The following FANCD2OS variants were observed in gnomAD, a reference collection of about 807,000 sequenced individuals.
FANCD2OS encodes the protein FANCD2 opposite strand protein.
Under a neutral mutation model 13.2 loss-of-function variants are expected in FANCD2OS, and 11 were observed. The ratio of observed to expected loss-of-function variants is 0.83; its 90% CI spans 0.52 to 1.38. The LOEUF is 1.38. Ranked by LOEUF, FANCD2OS falls within the 40% of genes most tolerant of loss-of-function variation. The pLI is 0.00. For missense variants in FANCD2OS, 217 were observed against 213.9 expected (o/e 1.01, Z -0.09); for synonymous variants, 69 against 84.5 (o/e 0.82, Z 1.01).
chr3:10,087,250 A>G (rs1694262744), intron 2 of FANCD2OS: 1 of 1,612,896 alleles, frequency 6.2e-7, no homozygotes, highest in African/African-American at 1.3e-5. Context: ...TCTGCTCAGA[A>G]CAAAGAAAAA....
Position 10,104,128 on chromosome 3 carries a change from AG to A in FANCD2OS, c.*112del. ...CTGAATCATCACTGCTTGAAACAAA[AG>A]CAAGATGGCTGGGACAATGTCACAG... On this transcript the variant is annotated 3_prime_UTR_variant, in exon 2 of 2. Coordinates refer to ENST00000450660, the MANE Select transcript of FANCD2OS (RefSeq NM_001164839.2). 1.9e-6 allele frequency: 2 copies of A among 1,035,646 alleles called. No individual in the cohort carries two copies. Among genetic ancestry groups the A allele is most frequent in the South Asian group, 3.5e-5 (2 of 56,604 alleles). The allele number at this position is 1,035,646 out of a possible 1,614,324, so 64.2% of individuals were successfully genotyped here. A position where few individuals can be genotyped will look rare whatever the true frequency, so the allele number is the denominator to read the frequency against.
chr3:10,094,720 C>G (rs182295557), intron 2 of FANCD2OS: 4 of 321,348 alleles, frequency 1.2e-5, no homozygotes, highest in Non-Finnish European at 2.4e-5. Context: ...AAAAAAAAAG[C>G]TCATTTGTGT....
At chr3:10,088,291 A>G (rs1694357215) in intron 2 of FANCD2OS, among the ~76,000 whole-genome samples, 1 of 152,214 alleles carries the variant, frequency 6.6e-6, no homozygotes, top group Admixed American at 6.5e-5. Context: ...GTGGATCAGG[A>G]ACGTGACAGC....
At chr3:10,096,733 G>GC (rs1694989236) in intron 2 of FANCD2OS, among the ~76,000 whole-genome samples, 1 of 152,176 alleles carries the variant, frequency 6.6e-6, no homozygotes, top group Non-Finnish European at 1.5e-5. Flanking sequence ...AGTCAGACCA[G>GC]TACAAACCTC....
At chr3:10,094,264 G>A (rs770626548) in intron 2 of FANCD2OS, 5 of 1,598,250 alleles carry the variant, frequency 3.1e-6, no homozygotes, top group Non-Finnish European at 4.3e-6. Flanking sequence ...TCAGCTAGAG[G>A]TAACAGTGTG....
In FANCD2OS at chr3:10,096,504, C is replaced by G. The variant is rs1280087727; in HGVS notation, c.*43+7694G>C. 5 of 1,609,284 alleles carry G rather than the reference C, an allele frequency of 3.1e-6. No individual in the cohort carries two copies. The African/African-American group carries it at 6.7e-5, about 22-fold the overall frequency. ...CTTGGATCCTGCTAGTGATAATCCC[C>G]TACTCTTATTCTTTGTGACAGCATC... On this transcript the variant is annotated intron_variant, in intron 2 of 2. Transcript: ENST00000524279.
chr3:10,105,759 AAAAAAAAAAAAATT>A (rs1695452390), intron 1 of FANCD2OS, among the ~76,000 whole-genome samples: 1 of 69,186 alleles, frequency 1.4e-5, no homozygotes, highest in Non-Finnish European at 2.2e-5. Flanking sequence ...TAAAAAAAAA[AAAAAAAAAAAAATT>A]ATATATATAT....
intron 2 of FANCD2OS, chr3:10,095,034 A>T: frequency 3.0e-6 from 2 of 659,704 alleles, no homozygotes; most frequent in South Asian, 3.3e-5. Context: ...TGAGAATAAG[A>T]GGTAGCTGCT....
At chr3:10,100,397 G>T (rs1027445069), downstream of FANCD2OS, among the ~76,000 whole-genome samples, 5 of 152,062 alleles carry the variant, frequency 3.3e-5, no homozygotes, top group African/African-American at 9.7e-5. Flanking sequence ...TTTTTGAGAC[G>T]GAGTCTCCCT....
chr3:10,105,737 C>A (rs1321948326), intron 1 of FANCD2OS, among the ~76,000 whole-genome samples: 2 of 90,986 alleles, frequency 2.2e-5, no homozygotes, highest in African/African-American at 8.1e-5. Context: ...GGTGAAAGAG[C>A]AAGACTCCAT....
chr3:10,083,180 T>C (rs977964126), intron 2 of FANCD2OS, among the ~76,000 whole-genome samples: 3 of 151,748 alleles, frequency 2.0e-5, no homozygotes, highest in African/African-American at 4.8e-5. Flanking sequence ...TGAGCCAAGA[T>C]TGCAACACTG....
intron 2 of FANCD2OS, among the ~76,000 whole-genome samples, chr3:10,089,241 C>T (rs1299971450): frequency 4.0e-5 from 6 of 151,530 alleles, no homozygotes; most frequent in Admixed American, 6.6e-5. Flanking sequence ...GCCGGGATCG[C>T]GCCACTGCAC....
chr3:10,094,181 T>A, intron 2 of FANCD2OS: 1 of 807,306 alleles, frequency 1.2e-6, no homozygotes, highest in Non-Finnish European at 2.1e-6. Context: ...GTTTTTTATA[T>A]ATATAAATAA....
At chr3:10,088,343 T>C in intron 2 of FANCD2OS, 2 of 818,764 alleles carry the variant, frequency 2.4e-6, no homozygotes, top group South Asian at 2.7e-5. Context: ...TCTTAGTAAA[T>C]CTAAACTAAT....
chr3:10,104,998 G>A (rs1013687221), intron 1 of FANCD2OS, among the ~76,000 whole-genome samples: 4 of 152,142 alleles, frequency 2.6e-5, no homozygotes, highest in African/African-American at 4.8e-5. Context: ...TCAGGCTGGA[G>A]TGCAGTGGAG....
At chr3:10,093,145 A>T in intron 2 of FANCD2OS, 1 of 692,840 alleles carries the variant, frequency 1.4e-6, no homozygotes, top group Non-Finnish European at 2.6e-6. Flanking sequence ...TCTGCTTTGT[A>T]ATATTAATTT....
chr3:10,104,640 G>T lies in FANCD2OS; in HGVS notation c.135C>A (p.Asp45Glu). 1.2e-6 allele frequency: 2 copies of T among 1,614,188 alleles called. No homozygotes were observed. The highest frequency in any genetic ancestry group is 2.2e-5 in the South Asian group (2 of 91,082). Residue 45 changes from aspartate (D) to glutamate (E), a missense_variant, in exon 2 of 2, where the codon GAC (aspartate) becomes GAA (glutamate). Asp to Glu is a conservative substitution (Grantham distance 45). Transcript: ENST00000450660. ...ASPCFPHTPS[D>E]LEVQLCFQEV... is the part of the protein sequence containing the mutation. ...CTTGAAAGCACAGCTGCACTTCAAG[G>T]TCGGACGGTGTGTGTGGGAAGCAGG...
intron 2 of FANCD2OS, among the ~76,000 whole-genome samples, chr3:10,097,900 C>T (rs948201348): frequency 6.6e-6 from 1 of 152,202 alleles, no homozygotes; most frequent in Non-Finnish European, 1.5e-5. Flanking sequence ...AATCCACGTT[C>T]TTCTGTCAAG....
At position 10,085,958 on chromosome 3, in the gene FANCD2OS, A is replaced by G. The variant is rs368121256; in HGVS notation, c.*44-4427T>C. On this transcript the variant is annotated intron_variant, in intron 2 of 2. Coordinates refer to the FANCD2OS transcript ENST00000524279. ...ACTACATAGCCAAGATTGTTGTCCCAAGAAACTCCTAGGAACAGGATTGGC... is the reference window on the plus strand; with the variant it reads ...ACTACATAGCCAAGATTGTTGTCCCGAGAAACTCCTAGGAACAGGATTGGC... The G allele has an allele frequency of 1.3e-5, 19 of 1,407,762 alleles. No individual in the cohort carries two copies. The African/African-American group carries it at 2.4e-4, about 18-fold the overall frequency. 87.2% of individuals were successfully genotyped at this position (1,407,762 alleles called of 1,614,324 possible). A position where few individuals can be genotyped will look rare whatever the true frequency, so the allele number is the denominator to read the frequency against.
Sources: allele counts gnomAD v4.1 joint callset (sites outside exome capture counted in the v4.1 genomes callset), GRCh38; gene constraint gnomAD v4.1.1; transcripts MANE v1.5; gene names NCBI Gene and HGNC (gene_info 2026-07-23, HGNC 2026-07-21).